The following DPP10 variants were observed in gnomAD, a reference collection of about 807,000 sequenced individuals.
DPP10 encodes dipeptidyl peptidase like 10, also known as inactive dipeptidyl peptidase 10.
Under a neutral mutation model 120.9 loss-of-function variants are expected in DPP10, and 33 were observed. The ratio of observed to expected loss-of-function variants is 0.27; its 90% CI spans 0.21 to 0.37. The LOEUF (loss-of-function observed/expected upper bound fraction) is 0.37. DPP10 is among the 10% of genes least tolerant of loss of function. The pLI is 1.00. For missense variants in DPP10, 816 were observed against 942.8 expected (o/e 0.87, Z 1.76); for synonymous variants, 337 against 326.1 (o/e 1.03, Z -0.36).
At chr2:115,645,416 T>A (rs1290685135) in intron 5 of DPP10, among the ~76,000 whole-genome samples, 1 of 152,200 alleles carries the variant, frequency 6.6e-6, no homozygotes. Context: ...AGATGAGTCC[T>A]GTGATACTCA....
chr2:115,334,083 C>T (rs1038624561), intron 2 of DPP10, among the ~76,000 whole-genome samples: 21 of 151,550 alleles, frequency 1.4e-4, no homozygotes, highest in African/African-American at 1.5e-4. Context: ...GGATATTATC[C>T]GGGAGAACTT....
At chr2:114,881,598 GTCTATCTATCTA>G (rs58501993) in intron 1 of DPP10, among the ~76,000 whole-genome samples, 5 of 141,100 alleles carry the variant, frequency 3.5e-5, no homozygotes, top group Admixed American at 7.3e-5. Context: ...CTGTCTGTCT[GTCTATCTATCTA>G]TCTATCTATC....
intron 1 of DPP10, among the ~76,000 whole-genome samples, chr2:114,917,391 C>T (rs766615743): frequency 3.9e-5 from 6 of 152,060 alleles, no homozygotes; most frequent in Non-Finnish European, 5.9e-5. Context: ...GTCATACTTC[C>T]AACAGCAATT....
At chr2:114,786,023 G>T (rs549918059) in intron 1 of DPP10, among the ~76,000 whole-genome samples, 1 of 152,224 alleles carries the variant, frequency 6.6e-6, no homozygotes, top group Admixed American at 6.6e-5. Context: ...CCTATCTCTG[G>T]CCTTCTTATG....
chr2:115,044,149 C>T (rs1169662304), intron 1 of DPP10, among the ~76,000 whole-genome samples: 1 of 152,044 alleles, frequency 6.6e-6, no homozygotes, highest in Non-Finnish European at 1.5e-5. Context: ...AAACAAATAC[C>T]TGAGACTGAG....
chr2:115,776,532 G>A (rs1682117175), intron 13 of DPP10, among the ~76,000 whole-genome samples: 2 of 152,024 alleles, frequency 1.3e-5, no homozygotes, highest in Non-Finnish European at 2.9e-5. Flanking sequence ...TATTTGGGTT[G>A]GTTCCAAATC....
chr2:115,828,570 G>T (rs1373686760), intron 21 of DPP10, among the ~76,000 whole-genome samples: 1 of 151,650 alleles, frequency 6.6e-6, no homozygotes, highest in Non-Finnish European at 1.5e-5. Flanking sequence ...GCATTTCTTT[G>T]TATGTTCCAT....
chr2:115,282,913 T>G (rs1235739416), intron 1 of DPP10, among the ~76,000 whole-genome samples: 2 of 152,164 alleles, frequency 1.3e-5, no homozygotes, highest in African/African-American at 4.8e-5. Flanking sequence ...AGCACTGTTT[T>G]TGTCCCTTTT....
intron 1 of DPP10, among the ~76,000 whole-genome samples, chr2:114,770,276 A>G (rs922762535): frequency 4.6e-5 from 7 of 152,142 alleles, no homozygotes; most frequent in Non-Finnish European, 1.0e-4. Flanking sequence ...GGGACCTCAT[A>G]CCTCTAGAAG....
At chr2:115,513,487 G>C (rs187061192) in intron 4 of DPP10, among the ~76,000 whole-genome samples, 1 of 151,358 alleles carries the variant, frequency 6.6e-6, no homozygotes, top group Non-Finnish European at 1.5e-5. Flanking sequence ...TTTTTTGTTA[G>C]ATATTTTCTG....
intron 1 of DPP10, among the ~76,000 whole-genome samples, chr2:114,627,377 T>C (rs1694592559): frequency 2.0e-5 from 3 of 152,126 alleles, no homozygotes; most frequent in Admixed American, 2.0e-4. Context: ...TTTATCTTTC[T>C]CTTCTTTTGT....
chr2:115,737,214 TGAG>T (rs550619439), intron 8 of DPP10, among the ~76,000 whole-genome samples: 82 of 152,170 alleles, frequency 5.4e-4, no homozygotes, highest in Middle Eastern at 3.4e-3. Context: ...AGATGTGAGA[TGAG>T]GAGAGGGGAT....
intron 1 of DPP10, among the ~76,000 whole-genome samples, chr2:114,979,809 A>G (rs1482936820): frequency 1.3e-5 from 2 of 152,098 alleles, no homozygotes; most frequent in Non-Finnish European, 2.9e-5. Flanking sequence ...AAACTTATAC[A>G]ATACAATTTT....
At chr2:114,468,002 C>T (rs1558784657) in intron 1 of DPP10, among the ~76,000 whole-genome samples, 1 of 152,134 alleles carries the variant, frequency 6.6e-6, no homozygotes, top group African/African-American at 2.4e-5. Flanking sequence ...GTTGGTGCCA[C>T]AGAGTGATAC....
chr2:115,290,123 C>T (rs962129956), intron 1 of DPP10, among the ~76,000 whole-genome samples: 3 of 152,044 alleles, frequency 2.0e-5, no homozygotes, highest in Non-Finnish European at 2.9e-5. Flanking sequence ...TATCTAGAAT[C>T]TACAAGGAAT....
chr2:114,929,228 G>A (rs1695880737), intron 1 of DPP10, among the ~76,000 whole-genome samples: 2 of 152,128 alleles, frequency 1.3e-5, no homozygotes, highest in Admixed American at 6.5e-5. Flanking sequence ...AAGATCACAA[G>A]GCCAGGGCGA....
chr2:115,583,779 T>C (rs528768018), intron 5 of DPP10, among the ~76,000 whole-genome samples: 4 of 152,170 alleles, frequency 2.6e-5, no homozygotes, highest in Non-Finnish European at 4.4e-5. Flanking sequence ...TGTGGCCATC[T>C]TTAATATTCA....
At chr2:114,663,638 C>CAG (rs1333376640) in intron 1 of DPP10, among the ~76,000 whole-genome samples, 10 of 94,670 alleles carry the variant, frequency 1.1e-4, no homozygotes, top group African/African-American at 3.5e-4. Context: ...TATACATGTA[C>CAG]AGATATATAT....
chr2:115,536,541 T>C (rs1462629014), intron 5 of DPP10, among the ~76,000 whole-genome samples: 1 of 152,044 alleles, frequency 6.6e-6, no homozygotes, highest in Non-Finnish European at 1.5e-5. Context: ...ATATATTTTT[T>C]ACATTAATTA....
Sources: gnomAD v4.1 joint callset for allele counts (sites outside exome capture counted in the v4.1 genomes callset) on GRCh38, gnomAD v4.1.1 for gene constraint, MANE v1.5 for transcripts, NCBI Gene and HGNC (gene_info 2026-07-23, HGNC 2026-07-21) for gene names.